HERC1: variants seen among roughly 807,000 people sequenced by gnomAD.
HERC1 encodes the protein probable E3 ubiquitin-protein ligase HERC1.
In HERC1, 160 loss-of-function variants were observed where a neutral mutation model predicts 554.3. The ratio of observed to expected loss-of-function variants is 0.29; its 90% CI spans 0.25 to 0.33. HERC1 has a LOEUF of 0.33. HERC1 is among the 10% of genes least tolerant of loss of function. The pLI is 1.00. For synonymous variants in HERC1, 2,175 were observed against 2,131.7 expected (o/e 1.02, Z -0.56); for missense variants, 4,919 against 5,918.5 (o/e 0.83, Z 5.54).
chr15:63,708,016 T>A (rs925950776), intron 24 of HERC1, among the ~76,000 whole-genome samples: 1 of 151,026 alleles, frequency 6.6e-6, no homozygotes, highest in Admixed American at 6.6e-5. Flanking sequence ...TGGTCATATA[T>A]ATAGATACAT....
At chr15:63,802,989 C>T (rs537595377) in intron 1 of HERC1, among the ~76,000 whole-genome samples, 115 of 152,234 alleles carry the variant, frequency 7.6e-4, no homozygotes, top group African/African-American at 2.7e-3. Context: ...GTGGGAGGCT[C>T]ACTTGAGCCC....
At chr15:63,706,450 C>T (rs17772987) in intron 25 of HERC1, among the ~76,000 whole-genome samples, 2 of 151,930 alleles carry the variant, frequency 1.3e-5, no homozygotes, top group Non-Finnish European at 2.9e-5. Flanking sequence ...TTGTAAATAA[C>T]CCCTTTCCAT....
At position 63,656,109 on chromosome 15, in the gene HERC1, C is replaced by T; in HGVS notation, c.9849G>A (p.Leu3283=). 1 of 1,612,784 alleles carries T rather than the reference C, an allele frequency of 6.2e-7. No individual in the cohort carries two copies. Residue 3283 remains leucine (L), a synonymous_variant, in exon 49 of 78, where the codon CTG becomes CTA. Transcript: ENST00000443617. Reference sequence around the variant, plus strand: ...TTACCTGTGTACACAACTGTACAAGCAGTTTGGCAGCACTAGGAGCATTTG... The same window carrying T: ...TTACCTGTGTACACAACTGTACAAGTAGTTTGGCAGCACTAGGAGCATTTG... ...LASNAPSAAK[L]LVQLCTQNLI...
rs183531390 is a variant in HERC1 at position 63,679,885 on chromosome 15, C to T, written c.6549+192G>A. ...ACTCACTGTATTCAAATTGCCAGAA[C>T]ATGAAATAGTGCCTTAATATTAATA... On this transcript the variant is annotated intron_variant, in intron 36 of 77. Coordinates refer to ENST00000443617, the MANE Select transcript of HERC1 (RefSeq NM_003922.4). 1.1e-3 allele frequency among the ~76,000 whole-genome samples: 174 copies of T among 152,308 alleles called. 2 individuals are homozygous for T. The highest frequency in any genetic ancestry group is 4.1e-3 in the African/African-American group (172 of 41,570).
rs140163415 is a variant in HERC1, at chr15:63,815,701, T to C, written c.-27+18126A>G. On this transcript the variant is annotated intron_variant, in intron 1 of 77. Coordinates refer to ENST00000443617, the MANE Select transcript of HERC1 (RefSeq NM_003922.4). ...TCTTCATGGTTGGATATATTTTTTT[T>C]ACTCTGTTCAAATCCTCTAACCTAA... is the stretch of plus-strand genomic sequence containing the variant. 2.2e-4 allele frequency among the ~76,000 whole-genome samples: 33 copies of C among 152,354 alleles called. No homozygotes were observed. The East Asian group carries it at 6.2e-3, about 28-fold the overall frequency.
intron 1 of HERC1, among the ~76,000 whole-genome samples, chr15:63,825,289 ACT>A (rs941910370): frequency 2.0e-5 from 3 of 152,132 alleles, no homozygotes; most frequent in African/African-American, 7.2e-5. Flanking sequence ...ACAGAGCAAG[ACT>A]CTGTCTCAAA....
At position 63,631,047 on chromosome 15, in the gene HERC1, C is replaced by T. The variant is rs1158284033; in HGVS notation, c.12797-412G>A. Reference sequence around the variant, plus strand: ...GGAGTACAGTGCAGTGGTGCGACCTCGGCTCACTGCAGCCTCAACCTGTCG... The same window carrying T: ...GGAGTACAGTGCAGTGGTGCGACCTTGGCTCACTGCAGCCTCAACCTGTCG... On this transcript the variant is annotated intron_variant, in intron 68 of 77. Coordinates refer to ENST00000443617, the MANE Select transcript of HERC1 (RefSeq NM_003922.4). Among the ~76,000 whole-genome samples the T allele has an allele frequency of 5.3e-5, 8 of 152,246 alleles. No homozygotes were observed. The East Asian group carries it at 1.2e-3, about 22-fold the overall frequency.
At chr15:63,744,156 GTGTGTGTGTCTCTCTCTCTC>G (rs2074955709) in intron 12 of HERC1, among the ~76,000 whole-genome samples, 1 of 41,384 alleles carries the variant, frequency 2.4e-5, no homozygotes, top group African/African-American at 7.2e-5. Context: ...GTGTGTGTGT[GTGTGTGTGTCTCTCTCTCTC>G]TCTCTCTCTC....
chr15:63,636,272 AG>A (rs976591490), intron 64 of HERC1, 130 bp from the exon 65 acceptor site: 13 of 608,406 alleles, frequency 2.1e-5, no homozygotes, highest in African/African-American at 4.0e-5. Flanking sequence ...TAATTTCATT[AG>A]TTTTTTTTTT....
intron 19 of HERC1, among the ~76,000 whole-genome samples, chr15:63,720,148 G>A (rs1250726039): frequency 1.8e-5 from 2 of 108,700 alleles, no homozygotes; most frequent in African/African-American, 7.8e-5. Flanking sequence ...CTGCTGTCCA[G>A]GCTGGAGTGC....
chr15:63,661,790 C>G lies in HERC1; in HGVS notation c.9133G>C (p.Ala3045Pro). The change falls in exon 45 of 78, where the codon GCC becomes CCC. Residue 3045 changes from alanine (A) to proline (P), a missense_variant. By Grantham distance (27) the Ala-to-Pro change is conservative. This residue lies in a region of HERC1 where 1,963 missense variants were observed against 2,228.6 expected (regional missense o/e 0.88). Coordinates refer to ENST00000443617, the MANE Select transcript of HERC1 (RefSeq NM_003922.4). Reference protein sequence around the residue: ...LCGTCREKYLAMKTKSKSTSS... With the variant: ...LCGTCREKYLPMKTKSKSTSS... ...GTTGACTTAGATTTGGTCTTCATGG[C>G]TAAGTACTTCTCCCTGCAGGTGCCA... is the stretch of plus-strand genomic sequence containing the variant. The G allele has an allele frequency of 6.2e-7, 1 of 1,613,976 alleles. No individual in the cohort carries two copies. The highest frequency in any genetic ancestry group is 1.1e-5 in the South Asian group (1 of 91,080).
chr15:63,732,369 T>C (rs959297068), intron 14 of HERC1, among the ~76,000 whole-genome samples: 19 of 152,260 alleles, frequency 1.2e-4, no homozygotes, highest in Middle Eastern at 6.8e-3. Context: ...AATACAAAGT[T>C]ATTCCAGCAG....
intron 55 of HERC1, among the ~76,000 whole-genome samples, chr15:63,646,744 G>T (rs967516122): frequency 3.3e-5 from 5 of 151,226 alleles, no homozygotes; most frequent in African/African-American, 1.2e-4. Flanking sequence ...GGAAGCAGAG[G>T]TTGCAGTGAG....
At chr15:63,713,897 G>T in intron 22 of HERC1, 1 of 430,368 alleles carries the variant, frequency 2.3e-6, no homozygotes, top group Non-Finnish European at 4.2e-6. Context: ...TGCCTTTACA[G>T]AATTTTAATG....
At chr15:63,780,278 T>C (rs1286488942) in intron 1 of HERC1, among the ~76,000 whole-genome samples, 1 of 152,186 alleles carries the variant, frequency 6.6e-6, no homozygotes, top group Non-Finnish European at 1.5e-5. Flanking sequence ...TTTCCTCATT[T>C]CCATTTCTGG....
intron 1 of HERC1, among the ~76,000 whole-genome samples, chr15:63,831,491 T>A (rs1359609841): frequency 6.6e-6 from 1 of 152,248 alleles, no homozygotes. Context: ...TATCCAACTA[T>A]AACATTCAAG....
At chr15:63,621,599 G>A (rs1250267727) in intron 74 of HERC1, among the ~76,000 whole-genome samples, 4 of 147,800 alleles carry the variant, frequency 2.7e-5, no homozygotes, top group Non-Finnish European at 6.1e-5. Flanking sequence ...TTTCCAACTT[G>A]GTTCCATTCT....
chr15:63,808,295 C>G (rs941316322), intron 1 of HERC1, among the ~76,000 whole-genome samples: 2 of 152,048 alleles, frequency 1.3e-5, no homozygotes, highest in Admixed American at 6.6e-5. Context: ...CGTACTTTTT[C>G]TTTCCTCAAA....
At position 63,706,089 on chromosome 15, in the gene HERC1, G is replaced by A. The variant is rs182442842; in HGVS notation, c.4636+691C>T. ...AGTTAATAGAGAAAAATGCTTAAGA[G>A]AGTTTTTAGTTATCATTGGATTTAC... On this transcript the variant is annotated intron_variant, in intron 25 of 77. Coordinates refer to ENST00000443617, the MANE Select transcript of HERC1 (RefSeq NM_003922.4). 9.3e-3 allele frequency among the ~76,000 whole-genome samples: 1,368 copies of A among 146,596 alleles called. 13 individuals carry two copies. The highest frequency in any genetic ancestry group is 0.016 in the Non-Finnish European group (1,086 of 66,998).
Sources: allele counts gnomAD v4.1 joint callset (sites outside exome capture counted in the v4.1 genomes callset), GRCh38; gene constraint gnomAD v4.1.1; regional missense constraint gnomAD v4.1.1; transcripts MANE v1.5; gene names NCBI Gene and HGNC (gene_info 2026-07-23, HGNC 2026-07-21).